The following CTDP1 variants were observed in gnomAD, a reference collection of about 807,000 sequenced individuals.
CTDP1 encodes the protein CTD phosphatase 1, also known as RNA polymerase II subunit A C-terminal domain phosphatase.
A neutral mutation model predicts 91.8 loss-of-function variants in CTDP1; 47 were observed. That is an observed-to-expected ratio of 0.51 (90% confidence interval 0.41 to 0.65). The LOEUF is 0.65. CTDP1 is among the 30% of genes least tolerant of loss of function. The pLI is 0.00. For missense variants in CTDP1, 1,272 were observed against 1,373.7 expected, an observed-to-expected ratio of 0.93 and a Z score of 1.17; for synonymous variants, 656 against 598.5, an observed-to-expected ratio of 1.10 and a Z score of -1.40.
intron 11 of CTDP1, 145 bp downstream of exon 11, chr18:79,729,214 G>A: frequency 9.4e-7 from 1 of 1,064,912 alleles, no homozygotes. Flanking sequence ...TTTGGGACGA[G>A]CACTTGTGTT....
intron 10 of CTDP1, among the ~76,000 whole-genome samples, chr18:79,722,584 G>C (rs995389708): frequency 6.6e-6 from 1 of 152,206 alleles, no homozygotes; most frequent in African/African-American, 2.4e-5. Context: ...GCAGCAGCGG[G>C]CCCCCTGGTC....
At chr18:79,689,674 G>A (rs894261161) in intron 1 of CTDP1, among the ~76,000 whole-genome samples, 7 of 152,122 alleles carry the variant, frequency 4.6e-5, no homozygotes, top group African/African-American at 1.4e-4. Context: ...CCAGCTACTC[G>A]GGAGGCTGAG....
rs1250553920 is a variant in CTDP1, at chr18:79,713,499, T to A, written c.1030+361T>A. On this transcript the variant is annotated intron_variant, in intron 7 of 12. Coordinates refer to ENST00000613122, the MANE Select transcript of CTDP1 (RefSeq NM_004715.5). This position sits in a 1 kb window ranked among gnomAD's most constrained non-coding sequence, Gnocchi z 4.7. ...AGAGAGTGAATGTGGGGGCGGTGGC[T>A]CTGCGGGGAATAACCGTTCCCCATG... Among the ~76,000 whole-genome samples, 1 of 152,202 alleles carries A rather than the reference T, an allele frequency of 6.6e-6. No individual in the cohort carries two copies. Among genetic ancestry groups the A allele is most frequent in the Non-Finnish European group, 1.5e-5 (1 of 68,030 alleles).
At chr18:79,723,190 G>C (rs1051121841) in intron 10 of CTDP1, among the ~76,000 whole-genome samples, 1 of 152,174 alleles carries the variant, frequency 6.6e-6, no homozygotes, top group African/African-American at 2.4e-5. Flanking sequence ...GTCTCACGGA[G>C]GGTCCCACAC....
chr18:79,709,981 A>G (rs1188833374), intron 5 of CTDP1, among the ~76,000 whole-genome samples: 2 of 152,226 alleles, frequency 1.3e-5, no homozygotes, highest in Non-Finnish European at 2.9e-5. Flanking sequence ...CATCACGTGA[A>G]GAACCACATG....
intron 11 of CTDP1, among the ~76,000 whole-genome samples, chr18:79,734,132 T>C (rs1272258255): frequency 6.6e-6 from 1 of 152,176 alleles, no homozygotes; most frequent in Non-Finnish European, 1.5e-5. Flanking sequence ...GTAGAACAGC[T>C]TGTTCCAAGT....
chr18:79,731,550 T>G (rs2122750151), intron 11 of CTDP1, among the ~76,000 whole-genome samples: 1 of 152,254 alleles, frequency 6.6e-6, no homozygotes, highest in Non-Finnish European at 1.5e-5. Flanking sequence ...CCACGGAGGC[T>G]TCTACAGCTA....
chr18:79,716,761 T>C (rs2086217783), intron 8 of CTDP1, among the ~76,000 whole-genome samples: 1 of 152,246 alleles, frequency 6.6e-6, no homozygotes, highest in Non-Finnish European at 1.5e-5. Flanking sequence ...TCCTTCCCCC[T>C]GAATTGTGCT....
intron 5 of CTDP1, among the ~76,000 whole-genome samples, chr18:79,707,311 C>G (rs1466552461): frequency 2.6e-5 from 4 of 152,194 alleles, no homozygotes; most frequent in Non-Finnish European, 5.9e-5. Context: ...CGCCATGTTT[C>G]TTTATCAGCC....
At chr18:79,725,866 G>C (rs1359344879) in intron 10 of CTDP1, among the ~76,000 whole-genome samples, 1 of 152,156 alleles carries the variant, frequency 6.6e-6, no homozygotes, top group Non-Finnish European at 1.5e-5. Context: ...GGGCTCCGTG[G>C]TTCTGATGAG....
Position 79,713,142 on chromosome 18 carries a change from G to C in CTDP1, c.1030+4G>C. 1 of 1,613,458 alleles carries C rather than the reference G, an allele frequency of 6.2e-7. No individual in the cohort carries two copies. The highest frequency in any genetic ancestry group is 8.5e-7 in the Non-Finnish European group (1 of 1,179,684). ...GAATCTCAGACGAGAAAGAAAGGTGGGTAACCTCCTTCCTGATTCTCTAGA... is the reference window on the plus strand; with the variant it reads ...GAATCTCAGACGAGAAAGAAAGGTGCGTAACCTCCTTCCTGATTCTCTAGA... On this transcript the variant is annotated splice_donor_region_variant and intron_variant, in intron 7 of 12. Transcript: ENST00000613122. This position sits in a 1 kb window ranked among gnomAD's most constrained non-coding sequence, Gnocchi z 4.7.
At chr18:79,691,317 G>A (rs1157822714) in intron 1 of CTDP1, among the ~76,000 whole-genome samples, 1 of 152,228 alleles carries the variant, frequency 6.6e-6, no homozygotes, top group African/African-American at 2.4e-5. Context: ...AGCAGGGCCA[G>A]CTTACACTCG....
At chr18:79,690,189 C>T (rs2085590586) in intron 1 of CTDP1, among the ~76,000 whole-genome samples, 2 of 152,200 alleles carry the variant, frequency 1.3e-5, no homozygotes, top group African/African-American at 2.4e-5. Flanking sequence ...CACCTGGAGG[C>T]GATGCTCAGA....
chr18:79,711,103 G>A (rs946286496), intron 6 of CTDP1, among the ~76,000 whole-genome samples: 5 of 151,994 alleles, frequency 3.3e-5, no homozygotes, highest in South Asian at 2.1e-4. Flanking sequence ...TCTCTGCCTC[G>A]TCTCTGTTAG....
chr18:79,753,602 G>T, intron 12 of CTDP1, 50 bp from the exon 13 acceptor site: 2 of 1,613,858 alleles, frequency 1.2e-6, no homozygotes. Flanking sequence ...CGGTGACCCG[G>T]CGTTGTGCGT....
At position 79,718,151 on chromosome 18, in the gene CTDP1, C is replaced by T. The variant is rs2086260608; in HGVS notation, c.2417+135C>T. 10 of 1,056,124 alleles carry T rather than the reference C, an allele frequency of 9.5e-6. 1 individual carries two copies. The Middle Eastern group carries it at 8.0e-4, about 85-fold the overall frequency. The allele number at this position is 1,056,124 out of a possible 1,614,324, so 65.4% of individuals were successfully genotyped here. A position where few individuals can be genotyped will look rare whatever the true frequency, so the allele number is the denominator to read the frequency against. Reference sequence around the variant, plus strand: ...CTGCAGACGGTGACTCCTGCTTCCACCTTGTGGGAGCGCCGCCCCCGCTTG... The same window carrying T: ...CTGCAGACGGTGACTCCTGCTTCCATCTTGTGGGAGCGCCGCCCCCGCTTG... On this transcript the variant is annotated intron_variant, in intron 10 of 12. Transcript: ENST00000613122.
chr18:79,730,512 G>T (rs867378657), intron 11 of CTDP1, among the ~76,000 whole-genome samples: 3 of 152,190 alleles, frequency 2.0e-5, no homozygotes, highest in Admixed American at 6.5e-5. Context: ...GCACTCAGCA[G>T]CTTTCAGCCA....
chr18:79,699,349 C>T (rs182594286), intron 4 of CTDP1, among the ~76,000 whole-genome samples: 12 of 152,276 alleles, frequency 7.9e-5, no homozygotes, highest in African/African-American at 2.6e-4. Flanking sequence ...CAAGCTCTAC[C>T]TCCCGAGTTC....
intron 12 of CTDP1, among the ~76,000 whole-genome samples, chr18:79,743,980 G>A (rs914784907): frequency 2.0e-4 from 30 of 152,172 alleles, no homozygotes; most frequent in Non-Finnish European, 2.9e-5. Flanking sequence ...CACTGAGACA[G>A]ATGCAGCTCA....
Sources: allele counts gnomAD v4.1 joint callset (sites outside exome capture counted in the v4.1 genomes callset), GRCh38; gene constraint gnomAD v4.1.1; non-coding constraint Gnocchi (gnomAD v3.1); transcripts MANE v1.5; gene names NCBI Gene and HGNC (gene_info 2026-07-23, HGNC 2026-07-21).